BMAL1: variants seen among roughly 807,000 people sequenced by gnomAD.
BMAL1 encodes the protein basic helix-loop-helix ARNT-like protein 1.
chr11:13,297,528 T>C, the BMAL1 span, among the ~76,000 whole-genome samples: 1 of 152,242 alleles, frequency 6.6e-6, no homozygotes, highest in African/African-American at 2.4e-5. Context: ...CAGTGCCAGC[T>C]TGAGGGCTGC....
At chr11:13,292,551 A>AG in the BMAL1 span, among the ~76,000 whole-genome samples, 1 of 89,922 alleles carries the variant, frequency 1.1e-5, no homozygotes, top group African/African-American at 3.3e-5. Flanking sequence ...CATCTCAAAA[A>AG]AAAAAAAATA....
At chr11:13,330,018 A>C in the BMAL1 span, among the ~76,000 whole-genome samples, 1 of 152,218 alleles carries the variant, frequency 6.6e-6, no homozygotes, top group Admixed American at 6.5e-5. Flanking sequence ...CAGGGTCTTA[A>C]ATGCACACAC....
At chr11:13,304,371 A>G in the BMAL1 span, among the ~76,000 whole-genome samples, 1 of 152,198 alleles carries the variant, frequency 6.6e-6, no homozygotes, top group South Asian at 2.1e-4. Flanking sequence ...CATGAGAGAA[A>G]GAAAGGAGTC....
At chr11:13,357,870 G>A in the BMAL1 span, among the ~76,000 whole-genome samples, 2 of 152,188 alleles carry the variant, frequency 1.3e-5, no homozygotes, top group African/African-American at 2.4e-5. The surrounding 1 kb of genome is among the most constrained non-coding windows in gnomAD (Gnocchi z 4.8). Context: ...CTCAGAGGAG[G>A]CTCCTGGGGA....
chr11:13,311,563 AT>A, the BMAL1 span, among the ~76,000 whole-genome samples: 1 of 152,260 alleles, frequency 6.6e-6, no homozygotes, highest in Non-Finnish European at 1.5e-5. Flanking sequence ...TGTTACAAAA[AT>A]AGACCGCTCA....
At chr11:13,306,884 C>A in the BMAL1 span, among the ~76,000 whole-genome samples, 1 of 152,238 alleles carries the variant, frequency 6.6e-6, no homozygotes, top group Non-Finnish European at 1.5e-5. Context: ...GGCATCAGAC[C>A]TCTCTACTGC....
chr11:13,325,657 T>TGTGTG, the BMAL1 span, among the ~76,000 whole-genome samples: 1 of 134,348 alleles, frequency 7.4e-6, no homozygotes, highest in South Asian at 2.5e-4. Flanking sequence ...TTGAGACCTT[T>TGTGTG]TGTGTGTGTG....
chr11:13,330,363 C>A, the BMAL1 span, among the ~76,000 whole-genome samples: 1 of 152,180 alleles, frequency 6.6e-6, no homozygotes, highest in Non-Finnish European at 1.5e-5. Context: ...CAACAAGCAG[C>A]AGAAGGCTGA....
the BMAL1 span, among the ~76,000 whole-genome samples, chr11:13,293,091 TGGGAAGATG>T: frequency 6.6e-6 from 1 of 152,084 alleles, no homozygotes; most frequent in Non-Finnish European, 1.5e-5. Flanking sequence ...TCAGTAGAGT[TGGGAAGATG>T]CCTGAGTCAA....
chr11:13,384,266 A>C, the BMAL1 span, among the ~76,000 whole-genome samples: 1 of 152,196 alleles, frequency 6.6e-6, no homozygotes, highest in African/African-American at 2.4e-5. Flanking sequence ...CTAAAACTTA[A>C]AAAATGTTGT....
the BMAL1 span, among the ~76,000 whole-genome samples, chr11:13,335,367 T>C: frequency 3.9e-5 from 6 of 152,216 alleles, no homozygotes; most frequent in East Asian, 9.6e-4. Flanking sequence ...TTTGGGTAAA[T>C]AGCTAACCTC....
chr11:13,305,227 C>A, the BMAL1 span, among the ~76,000 whole-genome samples: 5 of 152,212 alleles, frequency 3.3e-5, no homozygotes, highest in Admixed American at 6.5e-5. Flanking sequence ...GCTGGGCCCC[C>A]GCTAGGTATT....
the BMAL1 span, among the ~76,000 whole-genome samples, chr11:13,366,477 A>G: frequency 2.0e-5 from 3 of 152,216 alleles, no homozygotes; most frequent in Non-Finnish European, 4.4e-5. Context: ...ATCAAAACCA[A>G]CCTCCAGATG....
chr11:13,371,427 T>A, the BMAL1 span, among the ~76,000 whole-genome samples: 2,391 of 152,312 alleles, frequency 0.016, 63 homozygotes, highest in African/African-American at 0.054. Context: ...CTGCTTTCTT[T>A]CTCTGCTCCC....
At chr11:13,293,657 T>C in the BMAL1 span, among the ~76,000 whole-genome samples, 3 of 152,242 alleles carry the variant, frequency 2.0e-5, no homozygotes, top group African/African-American at 7.2e-5. Flanking sequence ...GGTCAAGGCC[T>C]TGGGCCTATG....
the BMAL1 span, among the ~76,000 whole-genome samples, chr11:13,361,488 A>T: frequency 6.6e-6 from 1 of 152,210 alleles, no homozygotes; most frequent in Non-Finnish European, 1.5e-5. Context: ...ATCTTTGAGC[A>T]GAAGTTTGCA....
At chr11:13,285,151 C>T in the BMAL1 span, among the ~76,000 whole-genome samples, 1 of 152,192 alleles carries the variant, frequency 6.6e-6, no homozygotes, top group Admixed American at 6.5e-5. Flanking sequence ...GATTGCCAAC[C>T]ATTCATTCGT....
the BMAL1 span, among the ~76,000 whole-genome samples, chr11:13,303,514 A>G: frequency 1.3e-5 from 2 of 152,224 alleles, no homozygotes; most frequent in African/African-American, 4.8e-5. Flanking sequence ...AGGTTAACAA[A>G]CAAACCCCCA....
At chr11:13,282,591 ATCC>A in the BMAL1 span, among the ~76,000 whole-genome samples, 1 of 152,110 alleles carries the variant, frequency 6.6e-6, no homozygotes, top group Non-Finnish European at 1.5e-5. Context: ...ACGTGTCCAA[ATCC>A]TCCTCTGCTT....
Sources: gnomAD v4.1 joint callset for allele counts (sites outside exome capture counted in the v4.1 genomes callset) on GRCh38, gnomAD v4.1.1 for gene constraint, Gnocchi (gnomAD v3.1) non-coding constraint, MANE v1.5 for transcripts, NCBI Gene and HGNC (gene_info 2026-07-23, HGNC 2026-07-21) for gene names.